Variants in RHBDD1 observed in about 807,000 individuals in gnomAD.
The protein encoded by RHBDD1 is rhomboid-related protein 4.
A neutral mutation model predicts 36.3 loss-of-function variants in RHBDD1; 38 were observed. The ratio of observed to expected loss-of-function variants is 1.05; its 90% confidence interval spans 0.81 to 1.37. The LOEUF (loss-of-function observed/expected upper bound fraction) is 1.37, where lower values mean the gene tolerates loss of function less well. RHBDD1 is among the 40% of genes most tolerant of loss of function. The pLI, the probability that RHBDD1 is intolerant of heterozygous loss-of-function variation, is 0.00. For missense variants in RHBDD1, 393 were observed against 377.6 expected (o/e 1.04, Z -0.34); for synonymous variants, 151 against 136.5 (o/e 1.11, Z -0.74).
intron 5 of RHBDD1, among the ~76,000 whole-genome samples, chr2:226,876,995 C>T (rs1433681817): frequency 2.0e-5 from 3 of 152,066 alleles, no homozygotes; most frequent in African/African-American, 7.2e-5. Flanking sequence ...GTGTTAACTC[C>T]TAGAGCTATA....
chr2:226,886,201 C>A (rs554806334), intron 5 of RHBDD1, among the ~76,000 whole-genome samples: 2 of 152,268 alleles, frequency 1.3e-5, no homozygotes, highest in African/African-American at 4.8e-5. Context: ...CAGGGATATT[C>A]TCTATTAGTC....
intron 8 of RHBDD1, among the ~76,000 whole-genome samples, chr2:226,948,576 A>ATAAAAAT (rs1553580191): frequency 7.3e-6 from 1 of 137,564 alleles, no homozygotes. Flanking sequence ...AAAAAAAAAA[A>ATAAAAAT]AAAAAAAAAC....
the RHBDD1 span, among the ~76,000 whole-genome samples, chr2:226,814,749 G>A: frequency 1.3e-5 from 2 of 152,166 alleles, no homozygotes; most frequent in Non-Finnish European, 2.9e-5. Context: ...CCTGAGCAAC[G>A]GGTAGGCTAG....
At chr2:226,827,290 T>C in the RHBDD1 span, among the ~76,000 whole-genome samples, 2 of 152,226 alleles carry the variant, frequency 1.3e-5, no homozygotes, top group Non-Finnish European at 2.9e-5. Context: ...AAGTAAGATT[T>C]AATATTCTCC....
At chr2:226,976,698 G>A (rs1954644937) in intron 8 of RHBDD1, among the ~76,000 whole-genome samples, 1 of 152,150 alleles carries the variant, frequency 6.6e-6, no homozygotes, top group Non-Finnish European at 1.5e-5. Flanking sequence ...GGAGGGTTAG[G>A]AGTACCTTAA....
At position 226,865,036 on chromosome 2, in the gene RHBDD1, A is replaced by C. The variant is rs765749375; in HGVS notation, c.343A>C (p.Thr115Pro). The C allele has an allele frequency of 6.2e-7, 1 of 1,614,216 alleles. No homozygotes were observed. The highest frequency in any genetic ancestry group is 1.1e-5 in the South Asian group (1 of 91,090). Residue 115 changes from threonine to proline, a missense_variant, in exon 4 of 9, where the codon ACT becomes CCT. Transcript: ENST00000392062. Reference protein sequence around the residue: ...AYVITAFSVLTGVVYLLLQFA... With the variant: ...AYVITAFSVLPGVVYLLLQFA... ...TGTTATCACCGCATTTTCTGTACTT[A>C]CTGGAGTGGTATACCTGCTCTTGCA... is the stretch of plus-strand genomic sequence containing the variant.
At chr2:226,970,064 C>T (rs1171594568) in intron 8 of RHBDD1, among the ~76,000 whole-genome samples, 1 of 145,802 alleles carries the variant, frequency 6.9e-6, no homozygotes, top group Admixed American at 7.2e-5. Flanking sequence ...CAGCCCTCTC[C>T]CCCCGCATTC....
chr2:226,830,909 C>T (rs996497053), upstream of RHBDD1, among the ~76,000 whole-genome samples: 3 of 152,156 alleles, frequency 2.0e-5, no homozygotes, highest in Non-Finnish European at 2.9e-5. Context: ...GGCTCAAGCA[C>T]TTTCTTACCT....
At chr2:226,861,091 T>C (rs1943809856) in intron 3 of RHBDD1, among the ~76,000 whole-genome samples, 1 of 152,224 alleles carries the variant, frequency 6.6e-6, no homozygotes, top group South Asian at 2.1e-4. Flanking sequence ...AATTCAGTTT[T>C]CAGAAACCAA....
chr2:226,855,054 A>G (rs1352563198), intron 3 of RHBDD1, among the ~76,000 whole-genome samples: 1 of 152,260 alleles, frequency 6.6e-6, no homozygotes, highest in Non-Finnish European at 1.5e-5. Context: ...TTTTGCCTAT[A>G]CATGCCTTCC....
At chr2:226,888,621 C>A (rs1247325830) in intron 5 of RHBDD1, among the ~76,000 whole-genome samples, 1 of 146,958 alleles carries the variant, frequency 6.8e-6, no homozygotes, top group Non-Finnish European at 1.5e-5. Flanking sequence ...TTTTTTTTTT[C>A]TTTTTAAGGT....
At chr2:226,988,556 A>G in intron 8 of RHBDD1, 1 of 1,414,936 alleles carries the variant, frequency 7.1e-7, no homozygotes, top group Non-Finnish European at 9.2e-7. Flanking sequence ...CTCTCTGCGG[A>G]CTGGTGTGGA....
At chr2:226,933,061 C>T (rs758118364) in intron 8 of RHBDD1, among the ~76,000 whole-genome samples, 1 of 152,036 alleles carries the variant, frequency 6.6e-6, no homozygotes, top group Non-Finnish European at 1.5e-5. Flanking sequence ...TAAGTGCAAG[C>T]AGGGGAAATG....
intron 7 of RHBDD1, among the ~76,000 whole-genome samples, chr2:226,909,611 G>A (rs1948369818): frequency 6.6e-6 from 1 of 152,110 alleles, no homozygotes; most frequent in African/African-American, 2.4e-5. Flanking sequence ...ATTAGGTCAT[G>A]AGGGTAGGGC....
intron 3 of RHBDD1, among the ~76,000 whole-genome samples, chr2:226,861,592 C>T (rs771986750): frequency 6.6e-6 from 1 of 152,278 alleles, no homozygotes; most frequent in East Asian, 1.9e-4. Context: ...ACACTGTTGG[C>T]AATGATATTG....
chr2:226,995,304 T>TA (rs1249045370), intron 8 of RHBDD1, 127 bp from the exon 9 acceptor site: 1 of 664,566 alleles, frequency 1.5e-6, no homozygotes, highest in Non-Finnish European at 2.7e-6. Context: ...AAATCTTTGT[T>TA]ATATTTCTGT....
At chr2:226,824,099 T>C in the RHBDD1 span, among the ~76,000 whole-genome samples, 1 of 152,126 alleles carries the variant, frequency 6.6e-6, no homozygotes. Context: ...TTTTTCTCTC[T>C]CTATATATAT....
At chr2:226,927,796 ATTGT>A (rs2149083084) in intron 8 of RHBDD1, among the ~76,000 whole-genome samples, 2 of 151,762 alleles carry the variant, frequency 1.3e-5, no homozygotes, top group Non-Finnish European at 2.9e-5. Flanking sequence ...TTTTAATTGG[ATTGT>A]TTGTTTTCTT....
chr2:226,944,268 G>T (rs997637133), intron 8 of RHBDD1, among the ~76,000 whole-genome samples: 4 of 152,166 alleles, frequency 2.6e-5, no homozygotes, highest in Non-Finnish European at 5.9e-5. Context: ...CTACTCTATT[G>T]TAGATAGGAT....
Sources: gnomAD v4.1 joint callset for allele counts (sites outside exome capture counted in the v4.1 genomes callset) on GRCh38, gnomAD v4.1.1 for gene constraint, MANE v1.5 for transcripts, NCBI Gene and HGNC (gene_info 2026-07-23, HGNC 2026-07-21) for gene names.